Variants in FMN2 observed in about 807,000 individuals in gnomAD.
FMN2 encodes formin 2, also known as formin-2.
FMN2 carries 51 observed loss-of-function variants against 142.3 expected under a neutral mutation model. The observed-to-expected ratio is 0.36, with a 90% confidence interval of 0.29 to 0.45. The LOEUF (loss-of-function observed/expected upper bound fraction) is 0.45. FMN2 is among the 20% of genes least tolerant of loss of function. The probability of loss-of-function intolerance (pLI) is 1.00; values close to 1 mark genes in which losing one functional copy is unlikely to be tolerated. For synonymous variants in FMN2, 882 were observed against 869.8 expected (o/e 1.01, Z -0.25); for missense variants, 1,936 against 2,122.8 (o/e 0.91, Z 1.73).
rs771053401 is a variant in FMN2 at position 240,109,774 on chromosome 1, G to A, written c.1616-13405G>A. 1.3e-4 allele frequency among the ~76,000 whole-genome samples: 20 copies of A among 152,062 alleles called. 1 individual carries two copies. The highest frequency in any genetic ancestry group is 8.5e-4 in the Admixed American group (13 of 15,266). On this transcript the variant is annotated intron_variant, in intron 1 of 17. Transcript: ENST00000319653. ...ATCCTGAGACACTGACTCTCCCTGC[G>A]GTATGTTGTCAGCAGTTAGCAACCA...
chr1:240,467,277 CTTT>C (rs35875922), intron 16 of FMN2, among the ~76,000 whole-genome samples: 11 of 140,886 alleles, frequency 7.8e-5, no homozygotes, highest in Non-Finnish European at 1.2e-4. Context: ...TAAATCGTTC[CTTT>C]TTTTTTTTTT....
intron 1 of FMN2, among the ~76,000 whole-genome samples, chr1:240,102,891 G>T (rs1661462514): frequency 6.7e-6 from 1 of 150,320 alleles, no homozygotes; most frequent in Non-Finnish European, 1.5e-5. Context: ...TTGAGACAGG[G>T]TCTCACTCTG....
At chr1:240,271,224 A>G (rs1006270974) in intron 7 of FMN2, among the ~76,000 whole-genome samples, 40 of 150,904 alleles carry the variant, frequency 2.7e-4, no homozygotes, top group African/African-American at 9.8e-4. Flanking sequence ...CTATGGAACA[A>G]GTTGTACATT....
intron 2 of FMN2, among the ~76,000 whole-genome samples, chr1:240,139,027 C>A (rs1405766314): frequency 6.6e-6 from 1 of 152,216 alleles, no homozygotes; most frequent in Non-Finnish European, 1.5e-5. Context: ...TGGCCCCACC[C>A]CCAAGTTTCT....
At chr1:240,397,859 T>C (rs578012615) in intron 15 of FMN2, among the ~76,000 whole-genome samples, 1 of 151,486 alleles carries the variant, frequency 6.6e-6, no homozygotes, top group Non-Finnish European at 1.5e-5. Flanking sequence ...AGACTGGTGT[T>C]TGACCCCAAA....
At chr1:240,274,216 GAAA>G (rs958132470) in intron 7 of FMN2, among the ~76,000 whole-genome samples, 2 of 142,740 alleles carry the variant, frequency 1.4e-5, no homozygotes, top group African/African-American at 5.4e-5. Flanking sequence ...TACCATGGGG[GAAA>G]CGAAAAAAAA....
In FMN2 at chr1:240,114,552, A is replaced by G. The variant is rs923607202; in HGVS notation, c.1616-8627A>G. Reference sequence around the variant, plus strand: ...TGATCCTTTCTTTGCAAGAGTTTCAATTGACCTTTTCTCTAATGGATTTTC... The same window carrying G: ...TGATCCTTTCTTTGCAAGAGTTTCAGTTGACCTTTTCTCTAATGGATTTTC... On this transcript the variant is annotated intron_variant, in intron 1 of 17. Transcript: ENST00000319653. Among the ~76,000 whole-genome samples, 9 of 151,988 alleles carry G rather than the reference A, an allele frequency of 5.9e-5. 1 individual carries two copies. The South Asian group carries it at 6.2e-4, about 11-fold the overall frequency.
chr1:240,093,828 A>G (rs1661102797), intron 1 of FMN2, 104 bp downstream of exon 1: 1 of 745,834 alleles, frequency 1.3e-6, no homozygotes, highest in Non-Finnish European at 1.9e-6. Context: ...GTGACCTGGT[A>G]GTGGCACATC....
rs968483395 is a variant in FMN2 at position 240,202,321 on chromosome 1, T to TA, written c.1987-4470dup. Among the ~76,000 whole-genome samples, 51 of 152,090 alleles carry TA rather than the reference T, an allele frequency of 3.4e-4. 2 individuals are homozygous for TA. The highest frequency in any genetic ancestry group is 4.7e-4 in the Non-Finnish European group (32 of 67,970). ...GACTGGCTATGTAAATTAGAAAGGTTAAAAAAAATCCCAGGAATCTTCACA... is the reference window on the plus strand; with the variant it reads ...GACTGGCTATGTAAATTAGAAAGGTTAAAAAAAAATCCCAGGAATCTTCACA... On this transcript the variant is annotated intron_variant, in intron 4 of 17. Transcript: ENST00000319653.
intron 4 of FMN2, among the ~76,000 whole-genome samples, chr1:240,190,882 G>A (rs1425985898): frequency 6.6e-6 from 1 of 152,128 alleles, no homozygotes; most frequent in African/African-American, 2.4e-5. Context: ...GCTAAGTTGT[G>A]TTAATTTTAC....
rs117641441 is a variant in FMN2, at chr1:240,348,786, A to T, written c.4766-7030A>T. Among the ~76,000 whole-genome samples the T allele has an allele frequency of 2.3e-3, 347 of 152,334 alleles. 12 individuals are homozygous for T. The East Asian group carries it at 0.061, about 27-fold the overall frequency. On this transcript the variant is annotated intron_variant, in intron 13 of 17. Transcript: ENST00000319653. ...ATTTAACTCTCGCTTTTGTCAGTAC[A>T]TATACAGTACTTGTGAAAGGTAGTG...
chr1:240,368,034 C>T (rs1672742546), intron 14 of FMN2, among the ~76,000 whole-genome samples: 1 of 152,096 alleles, frequency 6.6e-6, no homozygotes, highest in Non-Finnish European at 1.5e-5. Flanking sequence ...CATGTAGGAA[C>T]TTTCCATATA....
At chr1:240,452,190 C>CA (rs1004240063) in intron 16 of FMN2, among the ~76,000 whole-genome samples, 16 of 151,488 alleles carry the variant, frequency 1.1e-4, no homozygotes, top group Admixed American at 6.6e-4. Flanking sequence ...GACTCTGTCT[C>CA]AAAAAAATAA....
At chr1:240,198,410 C>T (rs950581996) in intron 4 of FMN2, among the ~76,000 whole-genome samples, 3 of 152,152 alleles carry the variant, frequency 2.0e-5, no homozygotes, top group Non-Finnish European at 4.4e-5. Flanking sequence ...TTCTAACGTA[C>T]GCCTCTTCCT....
intron 1 of FMN2, among the ~76,000 whole-genome samples, chr1:240,105,472 TTTGA>T (rs1471811785): frequency 2.0e-5 from 3 of 152,154 alleles, no homozygotes; most frequent in African/African-American, 7.2e-5. Flanking sequence ...CCTGAAGTTG[TTTGA>T]TTGAGATTTT....
At chr1:240,283,797 A>G (rs1242731402) in intron 7 of FMN2, among the ~76,000 whole-genome samples, 2 of 152,092 alleles carry the variant, frequency 1.3e-5, no homozygotes, top group African/African-American at 4.8e-5. Flanking sequence ...GATTACTTAG[A>G]CTGGAGCTTG....
chr1:240,259,673 C>T (rs1020325893), intron 7 of FMN2, among the ~76,000 whole-genome samples: 1 of 151,976 alleles, frequency 6.6e-6, no homozygotes, highest in Non-Finnish European at 1.5e-5. Flanking sequence ...ACTGAGAAGT[C>T]CACAGAAGCA....
At chr1:240,244,007 T>C (rs1456657) in intron 6 of FMN2, among the ~76,000 whole-genome samples, 53,774 of 152,090 alleles carry the variant, frequency 0.35, 9,563 homozygotes, top group Middle Eastern at 0.47. Context: ...CACCTTGTGC[T>C]CTAATGTCGT....
intron 6 of FMN2, among the ~76,000 whole-genome samples, chr1:240,224,133 T>C (rs1558377728): frequency 6.6e-6 from 1 of 152,234 alleles, no homozygotes; most frequent in Non-Finnish European, 1.5e-5. Flanking sequence ...GCTATAAATT[T>C]CCCTCTTAAT....
Sources: allele counts gnomAD v4.1 joint callset (sites outside exome capture counted in the v4.1 genomes callset), GRCh38; gene constraint gnomAD v4.1.1; transcripts MANE v1.5; gene names NCBI Gene and HGNC (gene_info 2026-07-23, HGNC 2026-07-21).